The following SHISA6 variants were observed in gnomAD, a reference collection of about 807,000 sequenced individuals.
The protein encoded by SHISA6 is shisa family member 6.
SHISA6 carries 22 observed loss-of-function variants against 47.9 expected under a neutral mutation model. The observed-to-expected ratio is 0.46, with a 90% CI of 0.33 to 0.66. The LOEUF is 0.66. Among genes scored for constraint, SHISA6 ranks in the 30% least tolerant of loss-of-function variants. SHISA6 has a pLI of 0.02. For synonymous variants in SHISA6, 388 were observed against 337.8 expected, an observed-to-expected ratio of 1.15 and a Z score of -1.63; for missense variants, 680 against 764.6, an observed-to-expected ratio of 0.89 and a Z score of 1.30.
intron 3 of SHISA6, among the ~76,000 whole-genome samples, chr17:11,479,706 A>C (rs1411826911): frequency 1.3e-5 from 2 of 152,008 alleles, no homozygotes; most frequent in Non-Finnish European, 2.9e-5. Context: ...CATTGGCATC[A>C]TTCATTTCAC....
intron 3 of SHISA6, among the ~76,000 whole-genome samples, chr17:11,467,500 T>G (rs3111844): frequency 0.47 from 71,278 of 152,028 alleles, 18,701 homozygotes; most frequent in African/African-American, 0.72. Flanking sequence ...TTTTCTTCCT[T>G]CATTAATGAA....
chr17:11,504,287 CTGTT>C (rs1264219392), intron 3 of SHISA6, among the ~76,000 whole-genome samples: 1 of 152,108 alleles, frequency 6.6e-6, no homozygotes, highest in African/African-American at 2.4e-5. Context: ...TCTTAGTGGA[CTGTT>C]TGTTAGTATC....
rs2072006731 is a variant in SHISA6, at chr17:11,558,519, C to T, written c.*215C>T. On this transcript the variant is annotated 3_prime_UTR_variant, in exon 6 of 6. Coordinates refer to ENST00000441885, the MANE Select transcript of SHISA6 (RefSeq NM_207386.4). ...TTAGACCCAGGACCAAGAGCAATCG[C>T]TCTTGCTCCTCCAGAAGAATCAGTG... is the stretch of plus-strand genomic sequence containing the variant. 3 of 596,712 alleles carry T rather than the reference C, an allele frequency of 5.0e-6. No homozygotes were observed. Among genetic ancestry groups the T allele is most frequent in the Non-Finnish European group, 8.9e-6 (3 of 337,552 alleles). 37.0% of individuals were successfully genotyped at this position (596,712 alleles called of 1,614,324 possible).
chr17:11,480,935 T>C (rs1038738892), intron 3 of SHISA6, among the ~76,000 whole-genome samples: 1 of 151,480 alleles, frequency 6.6e-6, no homozygotes, highest in Non-Finnish European at 1.5e-5. Context: ...AAAAATAGAG[T>C]ATATAAAAAC....
intron 2 of SHISA6, among the ~76,000 whole-genome samples, chr17:11,293,831 C>T (rs751999281): frequency 5.9e-5 from 9 of 152,220 alleles, no homozygotes; most frequent in South Asian, 4.2e-4. Context: ...GCACACGCTG[C>T]GCAGTTCGAA....
intron 4 of SHISA6, among the ~76,000 whole-genome samples, chr17:11,555,115 G>T (rs572985753): frequency 7.9e-5 from 12 of 152,264 alleles, no homozygotes; most frequent in Non-Finnish European, 1.8e-4. Context: ...GGCTAAGGGG[G>T]CTTCAGAGAA....
chr17:11,253,987 C>A (rs1352724624), intron 1 of SHISA6, among the ~76,000 whole-genome samples: 1 of 152,124 alleles, frequency 6.6e-6, no homozygotes, highest in Non-Finnish European at 1.5e-5. Flanking sequence ...ATCACCATTC[C>A]CAACACCACT....
At chr17:11,245,983 C>G (rs1297757711) in intron 1 of SHISA6, among the ~76,000 whole-genome samples, 1 of 152,176 alleles carries the variant, frequency 6.6e-6, no homozygotes, top group Non-Finnish European at 1.5e-5. Flanking sequence ...CCTTCGCTGG[C>G]TGATTTAGTG....
intron 2 of SHISA6, among the ~76,000 whole-genome samples, chr17:11,295,290 C>A (rs780287062): frequency 2.8e-4 from 42 of 152,212 alleles, no homozygotes; most frequent in Admixed American, 1.2e-3. Flanking sequence ...ACCATCCAAA[C>A]TAATGAGTAT....
intron 3 of SHISA6, among the ~76,000 whole-genome samples, chr17:11,384,581 C>A (rs577943542): frequency 6.6e-6 from 1 of 152,244 alleles, no homozygotes; most frequent in South Asian, 2.1e-4. Flanking sequence ...CCCCACATTT[C>A]AATATTGTCA....
In SHISA6 at chr17:11,539,130, C is replaced by T. The variant is rs1019642159; in HGVS notation, c.896-12766C>T. ...CTAATTTTTTTACTTTTAATAGAGA[C>T]GGGGTTTCACCATGTTGGCCAGGCT... On this transcript the variant is annotated intron_variant, in intron 3 of 5. Transcript: ENST00000441885. Among the ~76,000 whole-genome samples, 4 of 152,084 alleles carry T rather than the reference C, an allele frequency of 2.6e-5. No homozygotes were observed. In the East Asian group the frequency reaches 5.8e-4, roughly 22 times the overall value.
intron 3 of SHISA6, among the ~76,000 whole-genome samples, chr17:11,547,444 T>C (rs1459750799): frequency 6.6e-6 from 1 of 152,194 alleles, no homozygotes; most frequent in Admixed American, 6.5e-5. Flanking sequence ...TTTTGAATTT[T>C]AACACTCTAC....
chr17:11,509,676 T>C (rs1239742705), intron 3 of SHISA6, among the ~76,000 whole-genome samples: 3 of 152,172 alleles, frequency 2.0e-5, no homozygotes, highest in Non-Finnish European at 2.9e-5. Context: ...AGCAAATGAA[T>C]TAACCTCTGC....
At chr17:11,533,050 C>A (rs1032030992) in intron 3 of SHISA6, among the ~76,000 whole-genome samples, 4 of 152,158 alleles carry the variant, frequency 2.6e-5, no homozygotes, top group African/African-American at 9.7e-5. Flanking sequence ...GCTATGAAAT[C>A]TGCCCAAATG....
intron 3 of SHISA6, among the ~76,000 whole-genome samples, chr17:11,404,274 A>G (rs1333756575): frequency 1.3e-5 from 2 of 152,192 alleles, no homozygotes; most frequent in African/African-American, 2.4e-5. Context: ...AGGCACTGAG[A>G]GAGTCTATTG....
intron 3 of SHISA6, among the ~76,000 whole-genome samples, chr17:11,389,193 C>G (rs1555532216): frequency 6.6e-6 from 1 of 152,114 alleles, no homozygotes; most frequent in Non-Finnish European, 1.5e-5. Context: ...TCACTCATAT[C>G]CCTGTTTAAT....
Position 11,241,326 on chromosome 17 carries a change from C to T in SHISA6, c.-97C>T, listed in dbSNP as rs1907312894. 1 of 806,274 alleles carries T rather than the reference C, an allele frequency of 1.2e-6. No individual in the cohort carries two copies. The highest frequency in any genetic ancestry group is 1.9e-5 in the African/African-American group (1 of 53,304). The allele number at this position is 806,274 out of a possible 1,614,324, so 49.9% of individuals were successfully genotyped here. ...CCCGGAGCCGCTGACCGCTCAGCGCCTCCAGCCCGGCCCGCGCGGCGGGTC... is the reference window on the plus strand; with the variant it reads ...CCCGGAGCCGCTGACCGCTCAGCGCTTCCAGCCCGGCCCGCGCGGCGGGTC... On this transcript the variant is annotated 5_prime_UTR_variant, in exon 1 of 6. Transcript: ENST00000441885. The surrounding 1 kb of genome is among the most constrained non-coding windows in gnomAD (Gnocchi z 5.5).
intron 2 of SHISA6, among the ~76,000 whole-genome samples, chr17:11,314,529 A>ATTTTTTTTTTTTTTTTTTTTTTTTTTT (rs200230465): frequency 7.0e-6 from 1 of 143,658 alleles, no homozygotes. Context: ...CTGTTTTTTC[A>ATTTTTTTTTTTTTTTTTTTTTTTTTTT]TTTTTTTGTT....
intron 1 of SHISA6, among the ~76,000 whole-genome samples, chr17:11,246,676 G>A (rs1907606112): frequency 1.3e-5 from 2 of 152,124 alleles, no homozygotes; most frequent in South Asian, 2.1e-4. Context: ...AAGTGACGTT[G>A]CCCTGCCTTC....
Sources: gnomAD v4.1 joint callset for allele counts (sites outside exome capture counted in the v4.1 genomes callset) on GRCh38, gnomAD v4.1.1 for gene constraint, Gnocchi (gnomAD v3.1) non-coding constraint, MANE v1.5 for transcripts, NCBI Gene and HGNC (gene_info 2026-07-23, HGNC 2026-07-21) for gene names.